PRDM16: variants seen among roughly 807,000 people sequenced by gnomAD.
The protein encoded by PRDM16 is PR/SET domain 16.
In PRDM16, 23 loss-of-function variants were observed where a neutral mutation model predicts 110.6. The observed-to-expected ratio is 0.21, with a 90% CI of 0.15 to 0.29. The LOEUF is 0.29. Ranked by LOEUF, PRDM16 falls within the 10% of genes least tolerant of loss-of-function variation. PRDM16 has a pLI of 1.00. For synonymous variants in PRDM16, 799 were observed against 781.8 expected, an observed-to-expected ratio of 1.02 and a Z score of -0.37; for missense variants, 1,615 against 1,794.3, an observed-to-expected ratio of 0.90 and a Z score of 1.81.
chr1:3,293,668 C>T (rs1352534527), intron 3 of PRDM16, among the ~76,000 whole-genome samples: 3 of 152,196 alleles, frequency 2.0e-5, no homozygotes, highest in African/African-American at 7.2e-5. Context: ...GTGGTTGTCT[C>T]GGCTAATAGT....
chr1:3,146,293 C>T (rs1643651288), intron 1 of PRDM16, among the ~76,000 whole-genome samples: 4 of 152,262 alleles, frequency 2.6e-5, no homozygotes, highest in South Asian at 2.1e-4. Flanking sequence ...CGCTAACAGC[C>T]ACATTCTCTT....
chr1:3,430,675 A>G (rs1163798917), intron 14 of PRDM16, among the ~76,000 whole-genome samples, 197 bp from the exon 15 acceptor site: 1 of 152,098 alleles, frequency 6.6e-6, no homozygotes, highest in Admixed American at 6.5e-5. Context: ...CTCTCCCGGG[A>G]TCGCCCCCAG....
intron 1 of PRDM16, chr1:3,132,802 G>T (rs1015243670): frequency 3.3e-5 from 5 of 152,216 alleles, no homozygotes; most frequent in African/African-American, 1.2e-4. Context: ...ATTCCCCGGG[G>T]ACTGGGTGGG....
chr1:3,424,554 G>A (rs974574534), intron 12 of PRDM16, among the ~76,000 whole-genome samples: 8 of 152,262 alleles, frequency 5.3e-5, no homozygotes, highest in East Asian at 3.9e-4. Context: ...GGTGCAGGCC[G>A]GCAGCAGCCC....
intron 1 of PRDM16, among the ~76,000 whole-genome samples, chr1:3,164,623 G>A (rs979378028): frequency 2.6e-5 from 4 of 152,216 alleles, no homozygotes; most frequent in East Asian, 1.9e-4. Flanking sequence ...AACCATGGTC[G>A]GAGGTGTGAG....
chr1:3,117,507 G>A (rs1642988224), intron 1 of PRDM16, among the ~76,000 whole-genome samples: 2 of 152,102 alleles, frequency 1.3e-5, no homozygotes, highest in African/African-American at 4.8e-5. Flanking sequence ...GCATCGCCAT[G>A]CCACCTCACC....
intron 1 of PRDM16, among the ~76,000 whole-genome samples, chr1:3,085,282 GGT>G (rs1642124375): frequency 6.6e-6 from 1 of 152,184 alleles, no homozygotes; most frequent in Non-Finnish European, 1.5e-5. Flanking sequence ...CCACGGCTAT[GGT>G]GGCCTTCGCT....
At chr1:3,347,994 T>C (rs1570112761) in intron 3 of PRDM16, among the ~76,000 whole-genome samples, 1 of 152,280 alleles carries the variant, frequency 6.6e-6, no homozygotes, top group Middle Eastern at 3.4e-3. Flanking sequence ...GCTGTGCATC[T>C]CGGTGGCTCA....
Position 3,433,835 on chromosome 1 carries a change from T to A in PRDM16, c.*24T>A. On this transcript the variant is annotated 3_prime_UTR_variant, in exon 17 of 17. Transcript: ENST00000270722. Reference sequence around the variant, plus strand: ...GACGGGCTGGGCAGCCGGGGGCCGGTGGCCAGAGCGAGGGCACCAGCCACG... The same window carrying A: ...GACGGGCTGGGCAGCCGGGGGCCGGAGGCCAGAGCGAGGGCACCAGCCACG... The A allele has an allele frequency of 6.2e-7, 1 of 1,610,430 alleles. No individual in the cohort carries two copies. Among genetic ancestry groups the A allele is most frequent in the East Asian group, 2.2e-5 (1 of 44,860 alleles).
Position 3,234,793 on chromosome 1 carries a change from G to A in PRDM16, c.388-9294G>A, listed in dbSNP as rs370422948. Among the ~76,000 whole-genome samples the A allele has an allele frequency of 5.1e-4, 77 of 152,336 alleles. 1 individual carries two copies. Among genetic ancestry groups the A allele is most frequent in the African/African-American group, 1.5e-3 (61 of 41,584 alleles). ...TGATTTATTATTCGGTAAATGCCAC[G>A]TGGGGTCTCCCTTGTGTTCCTGCTC... On this transcript the variant is annotated intron_variant, in intron 2 of 16. Coordinates refer to ENST00000270722, the MANE Select transcript of PRDM16 (RefSeq NM_022114.4).
At chr1:3,401,041 C>T (rs1297917716) in intron 5 of PRDM16, among the ~76,000 whole-genome samples, 1 of 152,150 alleles carries the variant, frequency 6.6e-6, no homozygotes, top group African/African-American at 2.4e-5. Context: ...TGCTGGAATC[C>T]CCACCTTGGG....
chr1:3,076,772 G>A (rs796820950), intron 1 of PRDM16, among the ~76,000 whole-genome samples: 78 of 152,304 alleles, frequency 5.1e-4, no homozygotes, highest in African/African-American at 1.8e-3. Context: ...GCTTCCTTGG[G>A]CACACTAAGG....
At chr1:3,257,269 C>G (rs1385130095) in intron 3 of PRDM16, among the ~76,000 whole-genome samples, 2 of 152,206 alleles carry the variant, frequency 1.3e-5, no homozygotes, top group African/African-American at 4.8e-5. Flanking sequence ...GTTTCTGGCT[C>G]TCTGCCTTCC....
In PRDM16 at chr1:3,336,410, G is replaced by A. The variant is rs528914438; in HGVS notation, c.439-48742G>A. Among the ~76,000 whole-genome samples, 941 of 152,302 alleles carry A rather than the reference G, an allele frequency of 6.2e-3. 10 individuals are homozygous for A. The highest frequency in any genetic ancestry group is 0.022 in the African/African-American group (909 of 41,568). On this transcript the variant is annotated intron_variant, in intron 3 of 16. Coordinates refer to ENST00000270722, the MANE Select transcript of PRDM16 (RefSeq NM_022114.4). ...AGCAAATGCATGCACATGTGTGTTG[G>A]TGTGTCTGTGCATGTGTGTTTGCAT...
At chr1:3,393,337 G>C (rs1200827138) in intron 4 of PRDM16, among the ~76,000 whole-genome samples, 2 of 152,238 alleles carry the variant, frequency 1.3e-5, no homozygotes, top group African/African-American at 4.8e-5. Context: ...GCTGCTGGGG[G>C]CTAAAGGCTA....
At position 3,069,302 on chromosome 1, in the gene PRDM16, T is replaced by G; in HGVS notation, c.37+6T>G. 2.1e-6 allele frequency: 3 copies of G among 1,448,682 alleles called. No homozygotes were observed. The highest frequency in any genetic ancestry group is 2.8e-6 in the Non-Finnish European group (3 of 1,087,212). 89.7% of individuals were successfully genotyped at this position (1,448,682 alleles called of 1,614,324 possible). A position where few individuals can be genotyped will look rare whatever the true frequency, so the allele number is the denominator to read the frequency against. ...GGCGAGGAAGCTAGCCAAAAGTAAGTCTCCCGCGCTCGGCCGCGCCGCGCC... is the reference window on the plus strand; with the variant it reads ...GGCGAGGAAGCTAGCCAAAAGTAAGGCTCCCGCGCTCGGCCGCGCCGCGCC... On this transcript the variant is annotated splice_donor_region_variant and intron_variant, in intron 1 of 16. Transcript: ENST00000270722. This position sits in a 1 kb window ranked among gnomAD's most constrained non-coding sequence, Gnocchi z 6.1.
In PRDM16 at chr1:3,412,096, TGACAAG is replaced by T. The variant is rs772557308; in HGVS notation, c.1907_1912del (p.Asp636_Lys637del). The T allele has an allele frequency of 3.2e-5, 50 of 1,586,012 alleles. No individual in the cohort carries two copies. The highest frequency in any genetic ancestry group is 9.0e-5 in the East Asian group (4 of 44,486). On this transcript the variant is annotated inframe_deletion, in exon 9 of 17. Transcript: ENST00000270722. ...TGGACAGCGACGTGGACAGCGACCC[TGACAAG>T]GACAAGGGCAAGGGCAAGTCCGCCG...
intron 4 of PRDM16, among the ~76,000 whole-genome samples, chr1:3,394,860 G>T (rs1407671645): frequency 5.2e-4 from 58 of 112,092 alleles, no homozygotes; most frequent in Admixed American, 1.2e-3. Flanking sequence ...TTTTTTTTTT[G>T]ATAAGATGAT....
chr1:3,265,193 G>A lies in PRDM16; in HGVS notation c.438+21056G>A, dbSNP rs1159162658. 6.6e-6 allele frequency among the ~76,000 whole-genome samples: 1 copy of A among 152,150 alleles called. No individual in the cohort carries two copies. The highest frequency in any genetic ancestry group is 6.5e-5 in the Admixed American group (1 of 15,280). On this transcript the variant is annotated intron_variant, in intron 3 of 16. Coordinates refer to ENST00000270722, the MANE Select transcript of PRDM16 (RefSeq NM_022114.4). The surrounding 1 kb of genome is among the most constrained non-coding windows in gnomAD (Gnocchi z 4.5). ...GACTGAGGGTGGTGGACAGGGATGA[G>A]ACAGGAGCAGGGCTCTGGGTCCGGA...
Sources: gnomAD v4.1 joint callset for allele counts (sites outside exome capture counted in the v4.1 genomes callset) on GRCh38, gnomAD v4.1.1 for gene constraint, Gnocchi (gnomAD v3.1) non-coding constraint, MANE v1.5 for transcripts, NCBI Gene and HGNC (gene_info 2026-07-23, HGNC 2026-07-21) for gene names.